PFKP: variants seen among roughly 807,000 people sequenced by gnomAD.
PFKP encodes ATP-dependent 6-phosphofructokinase, platelet type.
Under a neutral mutation model 94.3 loss-of-function variants are expected in PFKP, and 101 were observed. The observed-to-expected ratio is 1.07, with a 90% confidence interval of 0.91 to 1.26. PFKP has a LOEUF of 1.26. Ranked by LOEUF, PFKP falls within the 50% of genes most tolerant of loss-of-function variation. The pLI, the probability that PFKP is intolerant of heterozygous loss-of-function variation, is 0.00. For synonymous variants in PFKP, 573 were observed against 432.6 expected, an observed-to-expected ratio of 1.32 and a Z score of -4.03; for missense variants, 1,145 against 1,103.3, an observed-to-expected ratio of 1.04 and a Z score of -0.53.
At position 3,133,206 on chromosome 10, in the gene PFKP, TGA is replaced by T. The variant is rs769604776; in HGVS notation, c.1918_1919del (p.Ser640LeufsTer3). ...TIQRGLVLRN[E>X]SCSENYTTDF... ...GACTCCTTCTCGCTCGTTTCAGAAATGAGAGCTGCAGTGAAAACTACACCACC... is the reference window on the plus strand; with the variant it reads ...GACTCCTTCTCGCTCGTTTCAGAAATGAGCTGCAGTGAAAACTACACCACC... On this transcript the variant is annotated frameshift_variant, in exon 19 of 22. Coordinates refer to ENST00000381125, the MANE Select transcript of PFKP (RefSeq NM_002627.5). LOFTEE classifies it high-confidence loss of function. 1.9e-6 allele frequency: 3 copies of T among 1,612,126 alleles called. No homozygotes were observed. Among genetic ancestry groups the T allele is most frequent in the African/African-American group, 2.7e-5 (2 of 74,976 alleles).
At position 3,067,710 on chromosome 10, in the gene PFKP, G is replaced by T; in HGVS notation, c.112+3G>T. The stretch of plus-strand genomic sequence containing the variant: ...GACCAGCGGCGGGGATGCTCAAGGT[G>T]CGCGCCCCCCTCCCGGCGGCGAGGG... On this transcript the variant is annotated splice_donor_region_variant and intron_variant, in intron 1 of 21. Coordinates refer to ENST00000381125, the MANE Select transcript of PFKP (RefSeq NM_002627.5). 1 of 1,466,642 alleles carries T rather than the reference G, an allele frequency of 6.8e-7. No individual in the cohort carries two copies. Among genetic ancestry groups the T allele is most frequent in the Non-Finnish European group, 9.1e-7 (1 of 1,097,502 alleles). 90.9% of individuals were successfully genotyped at this position (1,466,642 alleles called of 1,614,324 possible).
At chr10:3,100,615 TG>T (rs1306926557) in intron 3 of PFKP, among the ~76,000 whole-genome samples, 1 of 152,170 alleles carries the variant, frequency 6.6e-6, no homozygotes, top group Non-Finnish European at 1.5e-5. Flanking sequence ...AGACAACCCC[TG>T]CTGTGCTTAT....
Position 3,136,435 on chromosome 10 carries a change from C to T in PFKP, c.2226-15C>T. The T allele has an allele frequency of 1.2e-6, 2 of 1,613,290 alleles. No individual in the cohort carries two copies. Among genetic ancestry groups the T allele is most frequent in the South Asian group, 2.2e-5 (2 of 91,008 alleles). On this transcript the variant is annotated splice_polypyrimidine_tract_variant and intron_variant, in intron 21 of 21. Transcript: ENST00000381125. ...TGACTGCAGGCCTCACTGCTGTCTC[C>T]TCTTACCTCCACAGGCACAGGATTC...
chr10:3,136,299 T>A, intron 21 of PFKP, 151 bp from the exon 22 acceptor site: 3 of 693,702 alleles, frequency 4.3e-6, no homozygotes, highest in Non-Finnish European at 7.3e-6. Context: ...AATGGTTTCA[T>A]TTGATCCTGA....
Position 3,093,862 on chromosome 10 carries a change from C to T in PFKP, c.187-5413C>T, listed in dbSNP as rs186554816. ...GTTTCACCGTGTTAGCCAGGATGGT[C>T]TCCATCTCCTGACCTTGTGATCCGC... On this transcript the variant is annotated intron_variant, in intron 2 of 21. Transcript: ENST00000381125. 4.1e-4 allele frequency among the ~76,000 whole-genome samples: 63 copies of T among 152,230 alleles called. No individual in the cohort carries two copies. In the East Asian group the frequency reaches 9.5e-3, roughly 23 times the overall value.
chr10:3,136,317 T>A (rs749036616), intron 21 of PFKP, 133 bp from the exon 22 acceptor site: 1 of 805,130 alleles, frequency 1.2e-6, no homozygotes, highest in Admixed American at 2.6e-5. Context: ...TGAAATTGGC[T>A]TTATCATCTA....
chr10:3,087,487 G>T (rs556448611), intron 2 of PFKP, among the ~76,000 whole-genome samples: 1 of 152,294 alleles, frequency 6.6e-6, no homozygotes, highest in African/African-American at 2.4e-5. Context: ...GAAATTCACG[G>T]AATTTCTGCA....
At chr10:3,123,682 C>T (rs1837646155) in intron 16 of PFKP, among the ~76,000 whole-genome samples, 1 of 152,254 alleles carries the variant, frequency 6.6e-6, no homozygotes, top group Non-Finnish European at 1.5e-5. Flanking sequence ...AGCGACATCA[C>T]CTGTCTGAAA....
At chr10:3,076,056 A>G (rs986078649) in intron 1 of PFKP, among the ~76,000 whole-genome samples, 2 of 150,142 alleles carry the variant, frequency 1.3e-5, no homozygotes, top group African/African-American at 4.9e-5. Context: ...AACCGGTAAA[A>G]GCAAAAAACT....
chr10:3,113,262 G>A, intron 12 of PFKP, 74 bp downstream of exon 12: 1 of 1,580,588 alleles, frequency 6.3e-7, no homozygotes, highest in Non-Finnish European at 8.6e-7. Flanking sequence ...CTCAGTGAAT[G>A]AGGCCACCTG....
chr10:3,093,849 T>C (rs1834262762), intron 2 of PFKP, among the ~76,000 whole-genome samples: 2 of 152,232 alleles, frequency 1.3e-5, no homozygotes, highest in South Asian at 2.1e-4. Flanking sequence ...TTCACCGTGT[T>C]AGCCAGGATG....
chr10:3,112,110 G>A (rs1048942711), intron 10 of PFKP, 112 bp from the exon 11 acceptor site: 20 of 848,182 alleles, frequency 2.4e-5, no homozygotes, highest in South Asian at 1.3e-4. Context: ...CTGGCTGCCC[G>A]GGTCAGACTG....
At chr10:3,079,674 G>GGGGGGGGA (rs1832892219) in intron 1 of PFKP, among the ~76,000 whole-genome samples, 1 of 74,446 alleles carries the variant, frequency 1.3e-5, no homozygotes, top group Non-Finnish European at 2.9e-5. Flanking sequence ...GGGGGGGGGG[G>GGGGGGGGA]AAGAGGAGCA....
chr10:3,123,971 C>T (rs1353716801), intron 16 of PFKP, among the ~76,000 whole-genome samples: 5 of 150,470 alleles, frequency 3.3e-5, no homozygotes, highest in Admixed American at 6.6e-5. Context: ...TGACCCCGTT[C>T]ACAGCTCGCC....
intron 4 of PFKP, among the ~76,000 whole-genome samples, chr10:3,103,421 A>C (rs1246619415): frequency 1.3e-5 from 2 of 152,200 alleles, no homozygotes; most frequent in African/African-American, 4.8e-5. Context: ...CCAAGGCAGA[A>C]GGACCACTTG....
intron 10 of PFKP, among the ~76,000 whole-genome samples, chr10:3,110,746 C>T (rs1836123791): frequency 6.6e-6 from 1 of 150,520 alleles, no homozygotes; most frequent in South Asian, 2.1e-4. Flanking sequence ...GCATGTGTAT[C>T]TCTGTATATG....
intron 16 of PFKP, among the ~76,000 whole-genome samples, chr10:3,126,741 T>A (rs986507027): frequency 6.6e-6 from 1 of 152,232 alleles, no homozygotes; most frequent in African/African-American, 2.4e-5. Context: ...CACCACCAAT[T>A]TATATTTCTT....
chr10:3,109,182 C>A lies in PFKP; in HGVS notation c.964-173C>A, dbSNP rs187422021. ...TGTGCCCTGACCTCCTCTCTGTTCC[C>A]GTCTTGCCAGTTCTAAAGGAGTGGA... On this transcript the variant is annotated intron_variant, in intron 9 of 21. Coordinates refer to ENST00000381125, the MANE Select transcript of PFKP (RefSeq NM_002627.5). Among the ~76,000 whole-genome samples the A allele has an allele frequency of 3.5e-4, 53 of 152,324 alleles. No homozygotes were observed. The highest frequency in any genetic ancestry group is 1.2e-3 in the African/African-American group (48 of 41,580).
At chr10:3,113,300 C>A in intron 12 of PFKP, 72 bp from the exon 13 acceptor site, 1 of 1,576,168 alleles carries the variant, frequency 6.3e-7, no homozygotes, top group South Asian at 1.1e-5. Context: ...GCATGAGCCA[C>A]TGCCAAAGTG....
Sources: gnomAD v4.1 joint callset for allele counts (sites outside exome capture counted in the v4.1 genomes callset) on GRCh38, gnomAD v4.1.1 for gene constraint, MANE v1.5 for transcripts, NCBI Gene and HGNC (gene_info 2026-07-23, HGNC 2026-07-21) for gene names.